ARB2A: variants seen among roughly 807,000 people sequenced by gnomAD.
The protein encoded by ARB2A is ARB2 cotranscriptional regulator A, also known as cotranscriptional regulator ARB2A.
the ARB2A span, among the ~76,000 whole-genome samples, chr5:93,970,492 C>G: frequency 6.6e-6 from 1 of 152,030 alleles, no homozygotes; most frequent in Non-Finnish European, 1.5e-5. Flanking sequence ...AGAAAAATAA[C>G]TTTTAAATGC....
At chr5:93,932,884 A>T in the ARB2A span, among the ~76,000 whole-genome samples, 1 of 152,348 alleles carries the variant, frequency 6.6e-6, no homozygotes, top group South Asian at 2.1e-4. Context: ...ACAAAATGTG[A>T]TATGTGTTAA....
the ARB2A span, among the ~76,000 whole-genome samples, chr5:94,042,769 A>C: frequency 6.6e-6 from 1 of 152,216 alleles, no homozygotes; most frequent in Admixed American, 6.5e-5. Context: ...AATTTGGCTT[A>C]TATGGTATAA....
the ARB2A span, among the ~76,000 whole-genome samples, chr5:93,960,421 T>C: frequency 4.6e-5 from 7 of 152,276 alleles, no homozygotes; most frequent in African/African-American, 1.7e-4. Flanking sequence ...AGATCTAACA[T>C]ATTGTATGCT....
At chr5:93,990,752 T>G in the ARB2A span, among the ~76,000 whole-genome samples, 1 of 151,496 alleles carries the variant, frequency 6.6e-6, no homozygotes, top group Non-Finnish European at 1.5e-5. Flanking sequence ...GACAACTGTA[T>G]AAAATGTATT....
At chr5:93,919,339 A>C in the ARB2A span, among the ~76,000 whole-genome samples, 2 of 152,092 alleles carry the variant, frequency 1.3e-5, no homozygotes, top group Non-Finnish European at 2.9e-5. Flanking sequence ...AATTTATTTA[A>C]TTAAATTTAC....
At chr5:93,854,243 G>A in the ARB2A span, among the ~76,000 whole-genome samples, 57 of 152,212 alleles carry the variant, frequency 3.7e-4, no homozygotes, top group East Asian at 1.9e-3. Context: ...GTTTATTTGC[G>A]TAGAGGTGTT....
the ARB2A span, among the ~76,000 whole-genome samples, chr5:93,927,990 A>G: frequency 4.7e-5 from 7 of 150,502 alleles, no homozygotes; most frequent in Admixed American, 3.3e-4. Flanking sequence ...AATCAACATT[A>G]CCAATTCCTT....
At chr5:93,621,103 A>G in the ARB2A span, 1 of 1,612,140 alleles carries the variant, frequency 6.2e-7, no homozygotes, top group East Asian at 2.2e-5. Context: ...AAGCTCTTCC[A>G]GGAAGTTAGC....
chr5:93,794,806 G>A, the ARB2A span, among the ~76,000 whole-genome samples: 4 of 152,116 alleles, frequency 2.6e-5, no homozygotes, highest in African/African-American at 9.7e-5. Context: ...CACCTAGTCT[G>A]GTGGAGGTAG....
the ARB2A span, among the ~76,000 whole-genome samples, chr5:94,084,882 A>C: frequency 6.6e-6 from 1 of 152,214 alleles, no homozygotes; most frequent in Non-Finnish European, 1.5e-5. Context: ...AAATGGTTTA[A>C]GGGTACAAAT....
the ARB2A span, among the ~76,000 whole-genome samples, chr5:93,706,796 G>T: frequency 6.6e-6 from 1 of 151,426 alleles, no homozygotes; most frequent in African/African-American, 2.4e-5. Flanking sequence ...AACCCAGGAG[G>T]TGGATGTTGC....
At chr5:93,870,742 T>C in the ARB2A span, among the ~76,000 whole-genome samples, 1 of 152,204 alleles carries the variant, frequency 6.6e-6, no homozygotes, top group African/African-American at 2.4e-5. Flanking sequence ...GGGGTGGAAG[T>C]GGAGGTTGGA....
At chr5:93,913,305 C>T in the ARB2A span, among the ~76,000 whole-genome samples, 3 of 151,916 alleles carry the variant, frequency 2.0e-5, no homozygotes, top group Non-Finnish European at 4.4e-5. Context: ...CTCTTACTCT[C>T]CCAGTGCTGT....
At chr5:93,639,875 T>C in the ARB2A span, among the ~76,000 whole-genome samples, 1 of 151,230 alleles carries the variant, frequency 6.6e-6, no homozygotes, top group African/African-American at 2.4e-5. Context: ...TGAAACCTCG[T>C]CTCTACTAAA....
At chr5:94,066,842 A>G in the ARB2A span, among the ~76,000 whole-genome samples, 1 of 152,216 alleles carries the variant, frequency 6.6e-6, no homozygotes, top group Non-Finnish European at 1.5e-5. Flanking sequence ...TCATTTTATA[A>G]GGCTAGAATT....
the ARB2A span, among the ~76,000 whole-genome samples, chr5:94,063,747 G>A: frequency 1.3e-5 from 2 of 151,944 alleles, no homozygotes; most frequent in African/African-American, 4.8e-5. Context: ...CACTAATGAG[G>A]TTTACAGCTG....
chr5:93,755,248 A>G, the ARB2A span, among the ~76,000 whole-genome samples: 825 of 152,336 alleles, frequency 5.4e-3, 11 homozygotes, highest in African/African-American at 0.018. Flanking sequence ...ATTAAAATAT[A>G]GACTATAAAA....
chr5:93,676,003 A>T, the ARB2A span, among the ~76,000 whole-genome samples: 1 of 152,216 alleles, frequency 6.6e-6, no homozygotes, highest in Non-Finnish European at 1.5e-5. Context: ...TGGTATATAA[A>T]GCTTTAATTT....
chr5:93,636,077 A>G, the ARB2A span, among the ~76,000 whole-genome samples: 1 of 152,218 alleles, frequency 6.6e-6, no homozygotes, highest in South Asian at 2.1e-4. Context: ...GAATTTACAA[A>G]GCTATTGGTA....
Sources: gnomAD v4.1 joint callset for allele counts (sites outside exome capture counted in the v4.1 genomes callset) on GRCh38, gnomAD v4.1.1 for gene constraint, MANE v1.5 for transcripts, NCBI Gene and HGNC (gene_info 2026-07-23, HGNC 2026-07-21) for gene names.